Variants in SCRG1 observed in about 807,000 individuals in gnomAD.
The protein encoded by SCRG1 is scrapie-responsive protein 1.
A neutral mutation model predicts 7.7 loss-of-function variants in SCRG1; 3 were observed. That is an observed-to-expected ratio of 0.39 (90% confidence interval 0.18 to 1.01). The LOEUF (loss-of-function observed/expected upper bound fraction) is 1.01, where lower values mean the gene tolerates loss of function less well. Among genes scored for constraint, SCRG1 ranks in the 50% least tolerant of loss-of-function variants. SCRG1 has a pLI of 0.36. For synonymous variants in SCRG1, 46 were observed against 41.2 expected (o/e 1.12, Z -0.44); for missense variants, 110 against 117.2 (o/e 0.94, Z 0.28).
the SCRG1 span, among the ~76,000 whole-genome samples, chr4:173,513,948 T>C: frequency 1.3e-5 from 2 of 152,192 alleles, no homozygotes; most frequent in Non-Finnish European, 2.9e-5. Context: ...CCATGAGAAT[T>C]ACTGCCTATT....
At chr4:173,483,894 T>C in the SCRG1 span, among the ~76,000 whole-genome samples, 1 of 100,166 alleles carries the variant, frequency 1.0e-5, no homozygotes, top group Non-Finnish European at 1.8e-5. Context: ...ATAATATATG[T>C]TATATATATT....
the SCRG1 span, among the ~76,000 whole-genome samples, chr4:173,497,749 C>T: frequency 3.4e-5 from 5 of 148,606 alleles, no homozygotes; most frequent in Non-Finnish European, 5.9e-5. Flanking sequence ...CAGCTCACTG[C>T]AACCTCAGTC....
chr4:173,489,253 C>A, the SCRG1 span, among the ~76,000 whole-genome samples: 5 of 152,292 alleles, frequency 3.3e-5, no homozygotes, highest in East Asian at 9.6e-4. Flanking sequence ...TCTTTCTAAG[C>A]AATTCTGTTG....
chr4:173,447,234 G>T, the SCRG1 span, among the ~76,000 whole-genome samples: 2 of 152,174 alleles, frequency 1.3e-5, no homozygotes, highest in South Asian at 4.1e-4. Flanking sequence ...TCCTCACATG[G>T]TGAAAAGAGG....
At chr4:173,472,005 G>A in the SCRG1 span, among the ~76,000 whole-genome samples, 3 of 152,116 alleles carry the variant, frequency 2.0e-5, no homozygotes, top group Non-Finnish European at 2.9e-5. Context: ...CACCGTGCCC[G>A]GCTGGAAAAT....
At chr4:173,407,929 C>T (rs1739947881), upstream of SCRG1, among the ~76,000 whole-genome samples, 1 of 152,050 alleles carries the variant, frequency 6.6e-6, no homozygotes, top group African/African-American at 2.4e-5. Flanking sequence ...TAAAATTGTT[C>T]CTTTATTGCT....
chr4:173,404,742 C>T (rs1739857759), intron 1 of SCRG1, among the ~76,000 whole-genome samples: 1 of 152,194 alleles, frequency 6.6e-6, no homozygotes, highest in East Asian at 1.9e-4. Flanking sequence ...GCTACTTGGC[C>T]AGCCTGGCTG....
At chr4:173,419,333 G>T in the SCRG1 span, 1 of 841,202 alleles carries the variant, frequency 1.2e-6, no homozygotes, top group Non-Finnish European at 1.8e-6. Context: ...GGATATTTTG[G>T]GACAGTTCTA....
At chr4:173,507,612 G>A in the SCRG1 span, among the ~76,000 whole-genome samples, 10 of 152,196 alleles carry the variant, frequency 6.6e-5, no homozygotes, top group South Asian at 2.1e-3. The surrounding 1 kb of genome is among the most constrained non-coding windows in gnomAD (Gnocchi z 4.4). Flanking sequence ...CTTGAAAGGG[G>A]GTGTTAAGAC....
At chr4:173,436,951 C>T in the SCRG1 span, among the ~76,000 whole-genome samples, 38 of 152,246 alleles carry the variant, frequency 2.5e-4, no homozygotes, top group African/African-American at 8.4e-4. Context: ...ATTAGTTAGC[C>T]GTCCAAGCCT....
At chr4:173,408,624 G>A (rs1440862478), upstream of SCRG1, among the ~76,000 whole-genome samples, 1 of 152,172 alleles carries the variant, frequency 6.6e-6, no homozygotes, top group Non-Finnish European at 1.5e-5. Context: ...ATCTGAGAAT[G>A]AAGGGTTTAA....
chr4:173,468,384 G>A, the SCRG1 span: 1 of 152,130 alleles, frequency 6.6e-6, no homozygotes, highest in Non-Finnish European at 1.5e-5. Flanking sequence ...GTTTGTGTAA[G>A]TACACTCTGT....
the SCRG1 span, among the ~76,000 whole-genome samples, chr4:173,507,808 C>T: frequency 1.1e-4 from 17 of 152,314 alleles, no homozygotes; most frequent in African/African-American, 3.8e-4. The surrounding 1 kb of genome is among the most constrained non-coding windows in gnomAD (Gnocchi z 4.4). Context: ...AAGTATTTAG[C>T]AGGTTCAGTG....
chr4:173,487,115 G>A, the SCRG1 span, among the ~76,000 whole-genome samples: 2 of 152,198 alleles, frequency 1.3e-5, no homozygotes, highest in Non-Finnish European at 2.9e-5. Flanking sequence ...GAGCCTGCCT[G>A]TCAATTTTTT....
the SCRG1 span, among the ~76,000 whole-genome samples, chr4:173,415,739 T>C: frequency 6.6e-6 from 1 of 152,214 alleles, no homozygotes; most frequent in Non-Finnish European, 1.5e-5. Context: ...ATTAAGAACC[T>C]TAGAAGCCTA....
chr4:173,484,816 T>G, the SCRG1 span, among the ~76,000 whole-genome samples: 1 of 87,908 alleles, frequency 1.1e-5, no homozygotes, highest in Non-Finnish European at 2.0e-5. Context: ...ATATTATACA[T>G]ATAATATATA....
the SCRG1 span, among the ~76,000 whole-genome samples, chr4:173,457,423 G>A: frequency 1.3e-5 from 2 of 152,150 alleles, no homozygotes; most frequent in African/African-American, 4.8e-5. Flanking sequence ...TTTCTTTGTT[G>A]TTCTAAAAAG....
At chr4:173,476,363 A>AAATATATATATATATAT in the SCRG1 span, among the ~76,000 whole-genome samples, 1 of 98,508 alleles carries the variant, frequency 1.0e-5, no homozygotes, top group Admixed American at 1.2e-4. Context: ...GGAAAAAAAA[A>AAATATATATATATATAT]ATATATATAT....
At chr4:173,483,582 A>ATTATATATTATATTG in the SCRG1 span, among the ~76,000 whole-genome samples, 1 of 83,412 alleles carries the variant, frequency 1.2e-5, no homozygotes, top group Non-Finnish European at 2.1e-5. Context: ...TATAATATAT[A>ATTATATATTATATTG]TGATATATTA....
Sources: allele counts gnomAD v4.1 joint callset (sites outside exome capture counted in the v4.1 genomes callset), GRCh38; gene constraint gnomAD v4.1.1; non-coding constraint Gnocchi (gnomAD v3.1); transcripts MANE v1.5; gene names NCBI Gene and HGNC (gene_info 2026-07-23, HGNC 2026-07-21).